KMT2C: variants seen among roughly 807,000 people sequenced by gnomAD.
KMT2C encodes the protein lysine methyltransferase 2C, also known as histone-lysine N-methyltransferase 2C.
A neutral mutation model predicts 507.9 loss-of-function variants in KMT2C; 88 were observed. The ratio of observed to expected loss-of-function variants is 0.17; its 90% confidence interval spans 0.15 to 0.21. The LOEUF (loss-of-function observed/expected upper bound fraction) is 0.21. Ranked by LOEUF, KMT2C falls within the 10% of genes least tolerant of loss-of-function variation. The pLI is 1.00. For synonymous variants in KMT2C, 2,049 were observed against 2,080.8 expected (o/e 0.98, Z 0.42); for missense variants, 4,954 against 5,957.8 (o/e 0.83, Z 5.55).
At position 152,181,380 on chromosome 7, in the gene KMT2C, A is replaced by C; in HGVS notation, c.6480T>G (p.Ser2160=). The C allele has an allele frequency of 6.2e-7, 1 of 1,613,948 alleles. No individual in the cohort carries two copies. Among genetic ancestry groups the C allele is most frequent in the South Asian group, 1.1e-5 (1 of 91,062 alleles). The change falls in exon 36 of 59, where the codon TCT becomes TCG. Residue 2160 remains serine (S), a synonymous_variant. Coordinates refer to ENST00000262189, the MANE Select transcript of KMT2C (RefSeq NM_170606.3). The part of the protein sequence containing the change: ...GTARSNTDPY[S]QPPGTPRPTT... ...TAGGCCGGGGAGTTCCAGGAGGTTG[A>C]GAGTAAGGGTCTGTATTGGACCTAG...
intron 6 of KMT2C, among the ~76,000 whole-genome samples, chr7:152,297,792 G>T (rs2096529967): frequency 2.0e-5 from 3 of 152,078 alleles, no homozygotes; most frequent in African/African-American, 7.2e-5. Context: ...ACTAAATAAA[G>T]ATTACCAGGC....
At chr7:152,219,785 T>G (rs1683731592) in intron 23 of KMT2C, among the ~76,000 whole-genome samples, 4 of 152,144 alleles carry the variant, frequency 2.6e-5, no homozygotes, top group Admixed American at 2.6e-4. Flanking sequence ...GCAGATGGTT[T>G]GAGCCCAGGA....
chr7:152,375,917 T>TC (rs1164629150), intron 1 of KMT2C, among the ~76,000 whole-genome samples: 5 of 152,064 alleles, frequency 3.3e-5, no homozygotes, highest in African/African-American at 4.8e-5. Context: ...GCCTCAACCT[T>TC]CCGGACTCAA....
At chr7:152,168,894 A>C (rs1426675807) in intron 41 of KMT2C, among the ~76,000 whole-genome samples, 1 of 152,218 alleles carries the variant, frequency 6.6e-6, no homozygotes, top group African/African-American at 2.4e-5. Flanking sequence ...ATAGACTGTA[A>C]AGTGCCCAAT....
Position 152,221,172 on chromosome 7 carries a change from G to A in KMT2C, c.3500-437C>T, listed in dbSNP as rs534334821. The stretch of plus-strand genomic sequence containing the variant: ...TGCGGGAGGCTGAGGCAGGAGAATC[G>A]CTTGAACCCGGGAGGCAGAGGTTGC... On this transcript the variant is annotated intron_variant, in intron 22 of 58. Coordinates refer to ENST00000262189, the MANE Select transcript of KMT2C (RefSeq NM_170606.3). 7.9e-5 allele frequency among the ~76,000 whole-genome samples: 12 copies of A among 152,272 alleles called. No individual in the cohort carries two copies. In the South Asian group the frequency reaches 1.2e-3, roughly 16 times the overall value.
intron 25 of KMT2C, among the ~76,000 whole-genome samples, chr7:152,204,632 TAGATAGAC>T (rs1477226599): frequency 3.7e-5 from 5 of 136,170 alleles, no homozygotes; most frequent in South Asian, 2.3e-4. Flanking sequence ...GATAGATAGA[TAGATAGAC>T]AGACAGATAC....
chr7:152,384,184 T>TTCCA (rs1677858351), intron 1 of KMT2C, among the ~76,000 whole-genome samples: 1 of 151,954 alleles, frequency 6.6e-6, no homozygotes, highest in African/African-American at 2.4e-5. Context: ...GCCCCAAGAG[T>TTCCA]TCCACAGTTT....
At chr7:152,172,437 T>C (rs1178481052) in intron 39 of KMT2C, among the ~76,000 whole-genome samples, 1 of 152,224 alleles carries the variant, frequency 6.6e-6, no homozygotes, top group Non-Finnish European at 1.5e-5. Flanking sequence ...GGCTCATGCC[T>C]GTAATTGCAG....
At position 152,368,041 on chromosome 7, in the gene KMT2C, A is replaced by G; in HGVS notation, c.162-9366T>C. On this transcript the variant is annotated intron_variant, in intron 1 of 58. Transcript: ENST00000262189. ...TATGATTTTCCAGAAATAGATGATG[A>G]AGAAGAAAATAAACTTGCTAAAAAG... 7 of 850,444 alleles carry G rather than the reference A, an allele frequency of 8.2e-6. No individual in the cohort carries two copies. In the South Asian group the frequency reaches 8.4e-5, roughly 10 times the overall value. 52.7% of individuals were successfully genotyped at this position (850,444 alleles called of 1,614,324 possible). A position where few individuals can be genotyped will look rare whatever the true frequency, so the allele number is the denominator to read the frequency against.
At chr7:152,193,943 G>T in intron 31 of KMT2C, 66 bp downstream of exon 31, 1 of 1,371,666 alleles carries the variant, frequency 7.3e-7, no homozygotes, top group Admixed American at 2.8e-5. Context: ...GCTTGTGTGT[G>T]TATATGTACC....
At chr7:152,239,473 T>C (rs1214871033) in intron 14 of KMT2C, among the ~76,000 whole-genome samples, 57 of 152,246 alleles carry the variant, frequency 3.7e-4, no homozygotes, top group Non-Finnish European at 5.0e-4. Flanking sequence ...GAATACTTTA[T>C]GGAAATTACA....
chr7:152,246,162 A>G (rs1439522397), intron 14 of KMT2C, among the ~76,000 whole-genome samples: 4 of 151,464 alleles, frequency 2.6e-5, no homozygotes, highest in East Asian at 2.0e-4. Flanking sequence ...TGTACTATTC[A>G]ATTCATACTC....
rs372087429 is a variant in KMT2C, at chr7:152,319,116, T to C, written c.390-3778A>G. Among the ~76,000 whole-genome samples the C allele has an allele frequency of 3.3e-5, 5 of 152,216 alleles. No individual in the cohort carries two copies. In the East Asian group the frequency reaches 5.8e-4, roughly 18 times the overall value. ...ATTCTATAAAATTACCTTCAGGCTA[T>C]GTGTATAAGGTATATACGAAACATA... On this transcript the variant is annotated intron_variant, in intron 3 of 58. Coordinates refer to ENST00000262189, the MANE Select transcript of KMT2C (RefSeq NM_170606.3).
rs1432774968 is a variant in KMT2C, at chr7:152,162,216, A to C, written c.11361T>G (p.Ser3787=). ...CCTCAGGTTTTTGATTCAAAAGAGA[A>C]GATGACTTTTTATTTTTCAACAAGT... ...LKHLLKNKKS[S]SLLNQKPEGS... Residue 3787 remains serine (S), a synonymous_variant, in exon 43 of 59, where the codon TCT becomes TCG. Transcript: ENST00000262189. 2.5e-6 allele frequency: 4 copies of C among 1,613,998 alleles called. No individual in the cohort carries two copies. The African/African-American group carries it at 5.3e-5, about 22-fold the overall frequency.
chr7:152,151,212 G>A (rs1360937979), intron 50 of KMT2C, among the ~76,000 whole-genome samples: 2 of 152,040 alleles, frequency 1.3e-5, no homozygotes, highest in Non-Finnish European at 2.9e-5. Context: ...TGTGGTCCAC[G>A]GTTCACTCTA....
At chr7:152,226,441 C>T (rs1239629398) in intron 18 of KMT2C, among the ~76,000 whole-genome samples, 2 of 151,930 alleles carry the variant, frequency 1.3e-5, no homozygotes, top group Non-Finnish European at 2.9e-5. Context: ...CTGTGTTGGC[C>T]AGACTGGCTT....
intron 6 of KMT2C, among the ~76,000 whole-genome samples, chr7:152,293,837 A>G (rs149241062): frequency 6.6e-6 from 1 of 152,270 alleles, no homozygotes; most frequent in African/African-American, 2.4e-5. Flanking sequence ...GGTGACGGGA[A>G]ATAAACATAT....
intron 6 of KMT2C, among the ~76,000 whole-genome samples, chr7:152,307,868 T>TA (rs2096635068): frequency 6.6e-6 from 1 of 152,226 alleles, no homozygotes. Context: ...ACTACGAGTT[T>TA]ATATTGATTC....
chr7:152,250,515 C>T (rs1449156502), intron 12 of KMT2C, among the ~76,000 whole-genome samples: 1 of 152,078 alleles, frequency 6.6e-6, no homozygotes, highest in Non-Finnish European at 1.5e-5. Context: ...TGATCCAATA[C>T]AGTAAATTTT....
Sources: allele counts gnomAD v4.1 joint callset (sites outside exome capture counted in the v4.1 genomes callset), GRCh38; gene constraint gnomAD v4.1.1; transcripts MANE v1.5; gene names NCBI Gene and HGNC (gene_info 2026-07-23, HGNC 2026-07-21).